HDAC8: variants seen among roughly 807,000 people sequenced by gnomAD.
HDAC8 encodes the protein histone deacetylase-like 1.
A neutral mutation model predicts 32.2 loss-of-function variants in HDAC8; 1 was observed. The observed-to-expected ratio is 0.03, with a 90% CI of 0.01 to 0.15. The LOEUF is 0.15. Ranked by LOEUF, HDAC8 falls within the 10% of genes least tolerant of loss-of-function variation. The probability of loss-of-function intolerance (pLI) is 1.00; values close to 1 mark genes in which losing one functional copy is unlikely to be tolerated. For missense variants in HDAC8, 117 were observed against 300.0 expected, an observed-to-expected ratio of 0.39 and a Z score of 4.51; for synonymous variants, 108 against 113.9, an observed-to-expected ratio of 0.95 and a Z score of 0.33.
chrX:72,549,658 A>G (rs2050997397), intron 4 of HDAC8, among the ~76,000 whole-genome samples: 1 of 111,938 alleles, frequency 8.9e-6, no homozygotes, highest in Non-Finnish European at 1.9e-5. Context: ...TTCCATAAGC[A>G]CATGAATCTT....
intron 1 of HDAC8, 52 bp downstream of exon 1, chrX:72,572,599 G>GGCC: frequency 3.1e-5 from 14 of 453,078 alleles, no homozygotes; most frequent in South Asian, 6.1e-5. Context: ...TTCGTCCACC[G>GGCC]CCCCCACCCC....
At chrX:72,414,827 A>G in intron 9 of HDAC8, among the ~76,000 whole-genome samples, 1 of 111,266 alleles carries the variant, frequency 9.0e-6, no homozygotes, top group Non-Finnish European at 1.9e-5. Context: ...TGTAGGCTCA[A>G]TTATGAAGCA....
chrX:72,376,656 T>G (rs2045088358), intron 9 of HDAC8, among the ~76,000 whole-genome samples: 1 of 110,849 alleles, frequency 9.0e-6, no homozygotes, highest in Non-Finnish European at 1.9e-5. Context: ...TGACTTCAGG[T>G]GATCCACCCG....
At chrX:72,428,760 G>A (rs2046723876) in intron 9 of HDAC8, among the ~76,000 whole-genome samples, 1 of 111,705 alleles carries the variant, frequency 9.0e-6, no homozygotes, top group Admixed American at 9.4e-5. Context: ...GTTTCAAAAT[G>A]GAAATGACAA....
chrX:72,439,314 C>T (rs782167527), intron 9 of HDAC8, among the ~76,000 whole-genome samples: 16 of 111,264 alleles, frequency 1.4e-4, no homozygotes, highest in Non-Finnish European at 2.6e-4. Flanking sequence ...CTGAAGGAAG[C>T]ACTAAATATG....
At chrX:72,450,488 G>GT (rs2047542800) in intron 9 of HDAC8, among the ~76,000 whole-genome samples, 1 of 112,101 alleles carries the variant, frequency 8.9e-6, no homozygotes, top group African/African-American at 3.2e-5. Flanking sequence ...GTATAGTCAT[G>GT]TAAGAAGTTA....
intron 10 of HDAC8, among the ~76,000 whole-genome samples, chrX:72,342,275 G>A (rs2043907384): frequency 8.9e-6 from 1 of 112,641 alleles, no homozygotes; most frequent in Non-Finnish European, 1.9e-5. Context: ...CCCTGTCCAG[G>A]TACAGCAGAA....
intron 4 of HDAC8, among the ~76,000 whole-genome samples, chrX:72,564,394 G>A (rs782655556): frequency 1.8e-5 from 2 of 111,913 alleles, no homozygotes; most frequent in Non-Finnish European, 3.8e-5. Context: ...TTTAGATTTT[G>A]AAAATAGCCA....
intron 10 of HDAC8, among the ~76,000 whole-genome samples, chrX:72,346,953 C>T (rs782538730): frequency 2.2e-4 from 24 of 111,159 alleles, no homozygotes; most frequent in African/African-American, 7.2e-4. Flanking sequence ...AAAGAGCAGA[C>T]GGGATGATGA....
intron 9 of HDAC8, among the ~76,000 whole-genome samples, chrX:72,461,341 G>A (rs1441174909): frequency 8.9e-6 from 1 of 111,932 alleles, no homozygotes; most frequent in Non-Finnish European, 1.9e-5. Flanking sequence ...CACACTCACA[G>A]GTCCCAGACA....
intron 6 of HDAC8, 76 bp downstream of exon 6, chrX:72,490,853 G>C (rs1248440020): frequency 1.2e-6 from 1 of 830,584 alleles, no homozygotes; most frequent in East Asian, 3.2e-5. Context: ...GCATGGAACT[G>C]TCCAAGTATA....
At chrX:72,523,058 A>C (rs1285960943) in intron 4 of HDAC8, among the ~76,000 whole-genome samples, 1 of 112,014 alleles carries the variant, frequency 8.9e-6, no homozygotes, top group Non-Finnish European at 1.9e-5. Context: ...TGCTAGGACC[A>C]ATGTCATTAT....
intron 9 of HDAC8, among the ~76,000 whole-genome samples, chrX:72,354,148 T>G (rs2044261967): frequency 8.9e-6 from 1 of 112,325 alleles, no homozygotes; most frequent in South Asian, 3.7e-4. Flanking sequence ...GCACCTGGTT[T>G]TAACTAACTG....
chrX:72,486,781 G>A (rs1245380045), intron 7 of HDAC8, among the ~76,000 whole-genome samples: 2 of 111,995 alleles, frequency 1.8e-5, no homozygotes, highest in African/African-American at 6.5e-5. Context: ...ATTTCTAATT[G>A]TAGAATAAAA....
At chrX:72,333,183 T>G (rs2043580113) in intron 10 of HDAC8, among the ~76,000 whole-genome samples, 1 of 111,728 alleles carries the variant, frequency 9.0e-6, no homozygotes, top group African/African-American at 3.3e-5. Flanking sequence ...CCTTAATTTC[T>G]TAGTTCACGC....
At chrX:72,563,445 G>T (rs371771783) in intron 4 of HDAC8, among the ~76,000 whole-genome samples, 23 of 111,238 alleles carry the variant, frequency 2.1e-4, no homozygotes, top group African/African-American at 7.5e-4. Context: ...GGAGGCTGAT[G>T]TGGGAGGATT....
intron 10 of HDAC8, among the ~76,000 whole-genome samples, chrX:72,338,674 TATATATATACAA>T (rs1439635873): frequency 1.4e-5 from 1 of 71,430 alleles, no homozygotes; most frequent in Non-Finnish European, 2.9e-5. Flanking sequence ...TATATATAAA[TATATATATACAA>T]ATATATATAT....
At chrX:72,430,693 A>G (rs1331957566) in intron 9 of HDAC8, among the ~76,000 whole-genome samples, 1 of 111,919 alleles carries the variant, frequency 8.9e-6, no homozygotes, top group Non-Finnish European at 1.9e-5. Flanking sequence ...ACTAAAAGGA[A>G]GTAAATTGGC....
At position 72,443,799 on chromosome X, in the gene HDAC8, AAAG is replaced by A. The variant is rs1442314452; in HGVS notation, c.1005+18202_1005+18204del. Among the ~76,000 whole-genome samples, 4 of 109,465 alleles carry A rather than the reference AAAG, an allele frequency of 3.7e-5. No homozygotes were observed. The South Asian group carries it at 1.6e-3, about 43-fold the overall frequency. On this transcript the variant is annotated intron_variant, in intron 9 of 10. Transcript: ENST00000373573. ...TTGATAGACCGCTAGCAAGACTAAT[AAAG>A]AAGAAAAGAGAGAAGAATCAAATAG...
Sources: gnomAD v4.1 joint callset for allele counts (sites outside exome capture counted in the v4.1 genomes callset) on GRCh38, gnomAD v4.1.1 for gene constraint, MANE v1.5 for transcripts, NCBI Gene and HGNC (gene_info 2026-07-23, HGNC 2026-07-21) for gene names.